RNF19A: variants seen among roughly 807,000 people sequenced by gnomAD.
RNF19A encodes ring finger protein 19A, RBR E3 ubiquitin protein ligase.
In RNF19A, 32 loss-of-function variants were observed where a neutral mutation model predicts 75.7. The ratio of observed to expected loss-of-function variants is 0.42; its 90% CI spans 0.32 to 0.57. The LOEUF (loss-of-function observed/expected upper bound fraction) is 0.57. Among genes scored for constraint, RNF19A ranks in the 20% least tolerant of loss-of-function variants. The pLI is 0.10. For missense variants in RNF19A, 782 were observed against 1,036.3 expected (o/e 0.75, Z 3.37); for synonymous variants, 335 against 345.2 (o/e 0.97, Z 0.33).
Position 100,269,882 on chromosome 8 carries a change from A to G in RNF19A, c.1015T>C (p.Leu339=). The change falls in exon 4 of 10, where the codon TTG becomes CTG. Residue 339 remains leucine (L), a synonymous_variant. Coordinates refer to ENST00000341084, the MANE Select transcript of RNF19A (RefSeq NM_183419.4). The surrounding 1 kb of genome is among the most constrained non-coding windows in gnomAD (Gnocchi z 5.7). ...CTATAAGCTTACCTTAGATAATGCA[A>G]ATCTGAGATTTCTTTCATACACAAC... ...CWLCMKEISD[L]HYLSPSGCTF... 3.1e-6 allele frequency: 5 copies of G among 1,605,738 alleles called. No individual in the cohort carries two copies. The highest frequency in any genetic ancestry group is 4.3e-6 in the Non-Finnish European group (5 of 1,176,130).
Position 100,288,094 on chromosome 8 carries a change from T to C in RNF19A, c.81A>G (p.Thr27=), listed in dbSNP as rs1821114581. 6.2e-7 allele frequency: 1 copy of C among 1,614,130 alleles called. No homozygotes were observed. The highest frequency in any genetic ancestry group is 1.7e-5 in the Admixed American group (1 of 60,026). Residue 27 remains threonine, a synonymous_variant, in exon 2 of 10, where the codon ACA becomes ACG. Transcript: ENST00000341084. ...GATGTAAACTCATGTCTAAAATGCTTGTTAGAATTGAGACAGGGTCAGTGT... is the reference window on the plus strand; with the variant it reads ...GATGTAAACTCATGTCTAAAATGCTCGTTAGAATTGAGACAGGGTCAGTGT... ...CVNTDPVSIL[T]SILDMSLHRQ...
At chr8:100,300,015 G>A (rs924980795) in intron 1 of RNF19A, among the ~76,000 whole-genome samples, 1 of 152,170 alleles carries the variant, frequency 6.6e-6, no homozygotes, top group African/African-American at 2.4e-5. Context: ...AGTGCAATCT[G>A]TAAGAGGTGT....
At chr8:100,279,689 A>C (rs1820691423) in intron 2 of RNF19A, among the ~76,000 whole-genome samples, 1 of 152,034 alleles carries the variant, frequency 6.6e-6, no homozygotes, top group Non-Finnish European at 1.5e-5. Flanking sequence ...ATGCTTGGCT[A>C]ATTTTTTTTG....
Position 100,275,318 on chromosome 8 carries a change from A to C in RNF19A, c.675-157T>G, listed in dbSNP as rs538705579. On this transcript the variant is annotated intron_variant, in intron 2 of 9. Coordinates refer to ENST00000341084, the MANE Select transcript of RNF19A (RefSeq NM_183419.4). The surrounding 1 kb of genome is among the most constrained non-coding windows in gnomAD (Gnocchi z 4.3). ...ATCTCACCAATATAAAAATGGGGGA[A>C]AATGAAGTTTACAAATGAAGATATA... Among the ~76,000 whole-genome samples, 1 of 152,338 alleles carries C rather than the reference A, an allele frequency of 6.6e-6. No homozygotes were observed. Among genetic ancestry groups the C allele is most frequent in the Admixed American group, 6.5e-5 (1 of 15,300 alleles).
At position 100,275,199 on chromosome 8, in the gene RNF19A, A is replaced by G. The variant is rs766056908; in HGVS notation, c.675-38T>C. On this transcript the variant is annotated intron_variant, in intron 2 of 9. Transcript: ENST00000341084. This position sits in a 1 kb window ranked among gnomAD's most constrained non-coding sequence, Gnocchi z 4.3. ...AGAAAAATGATTTAAAATGTGACAT[A>G]AAACAAGAGATACTCATTTCAAAAA... 1 of 1,557,562 alleles carries G rather than the reference A, an allele frequency of 6.4e-7. No individual in the cohort carries two copies. Among genetic ancestry groups the G allele is most frequent in the South Asian group, 1.1e-5 (1 of 89,470 alleles).
intron 5 of RNF19A, among the ~76,000 whole-genome samples, chr8:100,266,752 A>G (rs1820000404): frequency 6.6e-6 from 1 of 151,984 alleles, no homozygotes; most frequent in African/African-American, 2.4e-5. Context: ...GATTAATGCA[A>G]TCCTCCCTCC....
chr8:100,335,919 T>G (rs985131230), intron 1 of RNF19A, among the ~76,000 whole-genome samples: 7 of 152,186 alleles, frequency 4.6e-5, no homozygotes, highest in Admixed American at 3.3e-4. Flanking sequence ...AAAGCAGCTA[T>G]CCTATAGGTT....
At position 100,269,499 on chromosome 8, in the gene RNF19A, C is replaced by T. The variant is rs928266294; in HGVS notation, c.1028+370G>A. Among the ~76,000 whole-genome samples, 4 of 151,904 alleles carry T rather than the reference C, an allele frequency of 2.6e-5. No individual in the cohort carries two copies. The highest frequency in any genetic ancestry group is 9.7e-5 in the African/African-American group (4 of 41,394). On this transcript the variant is annotated intron_variant, in intron 4 of 9. Coordinates refer to ENST00000341084, the MANE Select transcript of RNF19A (RefSeq NM_183419.4). The surrounding 1 kb of genome is among the most constrained non-coding windows in gnomAD (Gnocchi z 5.7). ...TCAGTTTTTTAATAGTAAACTAATG[C>T]AAAACATGCATATTTTTAGGCATCA...
At chr8:100,309,267 T>C (rs1822192229) in intron 1 of RNF19A, 2 of 974,514 alleles carry the variant, frequency 2.1e-6, no homozygotes, top group Middle Eastern at 5.3e-4. Flanking sequence ...ATTTTTGCTT[T>C]TGAAGGAGGT....
chr8:100,279,986 A>G (rs564549518), intron 2 of RNF19A, among the ~76,000 whole-genome samples: 2 of 152,242 alleles, frequency 1.3e-5, no homozygotes, highest in Admixed American at 1.3e-4. Context: ...TTAATTTTTC[A>G]TAACTTCAAT....
In RNF19A at chr8:100,287,890, T is replaced by C. The variant is rs1821100059; in HGVS notation, c.285A>G (p.Glu95=). 6.2e-7 allele frequency: 1 copy of C among 1,614,202 alleles called. No individual in the cohort carries two copies. Among genetic ancestry groups the C allele is most frequent in the African/African-American group, 1.3e-5 (1 of 75,060 alleles). Residue 95 remains glutamate, a synonymous_variant, in exon 2 of 10, where the codon GAA becomes GAG. Coordinates refer to ENST00000341084, the MANE Select transcript of RNF19A (RefSeq NM_183419.4). This position sits in a 1 kb window ranked among gnomAD's most constrained non-coding sequence, Gnocchi z 4.1. ...NGGVDGIASI[E]SIHSEMCTDK... ...CAGTACACATTTCAGAATGTATACT[T>C]TCAATACTTGCAATTCCATCCACCC...
chr8:100,270,007 T>A lies in RNF19A; in HGVS notation c.890A>T (p.Asp297Val). Residue 297 changes from aspartate (D) to valine (V), a missense_variant, in exon 4 of 10, where the codon GAT becomes GTT. Around this residue, in one of 7 missense-constraint regions of RNF19A, gnomAD observed 31 missense variants for 48.8 expected, o/e 0.64. Transcript: ENST00000341084. ...YSQESGAAAD[D>V]IKPCPRCAAY... ...AGCACATCGTGGACATGGCTTTATA[T>A]CATCAGCTATTGGGAACACAGAGAA... 1 of 1,585,856 alleles carries A rather than the reference T, an allele frequency of 6.3e-7. No individual in the cohort carries two copies. The highest frequency in any genetic ancestry group is 1.2e-5 in the South Asian group (1 of 85,720).
At chr8:100,295,807 C>G (rs1821528114) in intron 1 of RNF19A, among the ~76,000 whole-genome samples, 2 of 152,128 alleles carry the variant, frequency 1.3e-5, no homozygotes, top group Admixed American at 1.3e-4. Context: ...AAATCTGAAT[C>G]ATATCATTAA....
intron 1 of RNF19A, among the ~76,000 whole-genome samples, chr8:100,291,529 T>C (rs746431008): frequency 2.2e-4 from 34 of 152,314 alleles, no homozygotes; most frequent in South Asian, 1.2e-3. Flanking sequence ...ATTTATAATA[T>C]CCCACCAATA....
At chr8:100,280,465 T>TA (rs1820730615) in intron 2 of RNF19A, among the ~76,000 whole-genome samples, 1 of 152,204 alleles carries the variant, frequency 6.6e-6, no homozygotes, top group Non-Finnish European at 1.5e-5. Context: ...ACTCAAATGT[T>TA]AAAGTACCAA....
chr8:100,298,901 C>A (rs1354872089), intron 1 of RNF19A, among the ~76,000 whole-genome samples: 1 of 152,190 alleles, frequency 6.6e-6, no homozygotes, highest in African/African-American at 2.4e-5. Context: ...AGGAAAACCA[C>A]AGGGAAAGCA....
At position 100,293,668 on chromosome 8, in the gene RNF19A, T is replaced by A. The variant is rs192783776; in HGVS notation, c.-93-5401A>T. 1.2e-3 allele frequency among the ~76,000 whole-genome samples: 180 copies of A among 152,274 alleles called. 1 individual carries two copies. Among genetic ancestry groups the A allele is most frequent in the African/African-American group, 4.0e-3 (167 of 41,544 alleles). On this transcript the variant is annotated intron_variant, in intron 1 of 9. Transcript: ENST00000341084. The stretch of plus-strand genomic sequence containing the variant: ...CCAAATACAGGAATTCGGGGAAAAT[T>A]ATTTCTTTAAGTATTTTTTACCACA...
At chr8:100,271,206 T>G (rs1350371521) in intron 3 of RNF19A, among the ~76,000 whole-genome samples, 1 of 152,020 alleles carries the variant, frequency 6.6e-6, no homozygotes, top group Non-Finnish European at 1.5e-5. Context: ...AATTAGTATT[T>G]GCTTTAATGA....
intron 2 of RNF19A, among the ~76,000 whole-genome samples, chr8:100,283,850 G>A (rs1488602017): frequency 1.3e-5 from 2 of 152,146 alleles, no homozygotes; most frequent in African/African-American, 2.4e-5. Flanking sequence ...CTATGGTCCT[G>A]ACACCGTGGC....
Sources: gnomAD v4.1 joint callset for allele counts (sites outside exome capture counted in the v4.1 genomes callset) on GRCh38, gnomAD v4.1.1 for gene constraint, gnomAD v4.1.1 regional missense constraint, Gnocchi (gnomAD v3.1) non-coding constraint, MANE v1.5 for transcripts, NCBI Gene and HGNC (gene_info 2026-07-23, HGNC 2026-07-21) for gene names.